C2CD3: variants seen among roughly 807,000 people sequenced by gnomAD.
The protein encoded by C2CD3 is C2 domain-containing protein 3.
C2CD3 carries 148 observed loss-of-function variants against 234.0 expected under a neutral mutation model. The observed-to-expected ratio is 0.63, with a 90% CI of 0.55 to 0.72. C2CD3 has a LOEUF of 0.72. Ranked by LOEUF, C2CD3 falls within the 30% of genes least tolerant of loss-of-function variation. The probability of loss-of-function intolerance (pLI) is 0.00; values close to 1 mark genes in which losing one functional copy is unlikely to be tolerated. For missense variants in C2CD3, 2,577 were observed against 2,811.5 expected (o/e 0.92, Z 1.89); for synonymous variants, 1,000 against 1,035.4 (o/e 0.97, Z 0.66).
intron 31 of C2CD3, among the ~76,000 whole-genome samples, chr11:74,028,616 T>C (rs1385324845): frequency 6.6e-6 from 1 of 152,202 alleles, no homozygotes; most frequent in African/African-American, 2.4e-5. Context: ...TCCGGCCTCC[T>C]CTAGGAAGCT....
intron 1 of C2CD3, among the ~76,000 whole-genome samples, chr11:74,168,977 T>G (rs1311102195): frequency 6.6e-6 from 1 of 152,264 alleles, no homozygotes; most frequent in Non-Finnish European, 1.5e-5. Flanking sequence ...TTTCTAAGTA[T>G]GGTTGAAATT....
Position 74,139,721 on chromosome 11 carries a change from C to G in C2CD3, c.591G>C (p.Glu197Asp). 3 of 1,612,256 alleles carry G rather than the reference C, an allele frequency of 1.9e-6. No homozygotes were observed. Among genetic ancestry groups the G allele is most frequent in the South Asian group, 1.1e-5 (1 of 91,038 alleles). ...ACTGGGTACTGCTGGGTTCAGTATT[C>G]TCTCTGAATCCCTGCTTAGATAAAA... ...NVLLSKQGFR[E>D]NTEPSSTQFQ... is the part of the protein sequence containing the mutation. Residue 197 changes from glutamate (E) to aspartate (D), a missense_variant, in exon 4 of 33, where the codon GAG becomes GAC. Physicochemically the swap from Glu to Asp is conservative, Grantham distance 45 (BLOSUM62 2). Coordinates refer to ENST00000334126, the MANE Select transcript of C2CD3 (RefSeq NM_001286577.2).
intron 25 of C2CD3, among the ~76,000 whole-genome samples, chr11:74,056,303 T>A (rs1953946567): frequency 6.6e-6 from 1 of 152,236 alleles, no homozygotes; most frequent in Non-Finnish European, 1.5e-5. Context: ...ACTATTATCA[T>A]AACATTGCAT....
intron 24 of C2CD3, among the ~76,000 whole-genome samples, chr11:74,063,505 T>C (rs891885766): frequency 1.3e-5 from 2 of 152,160 alleles, no homozygotes; most frequent in African/African-American, 4.8e-5. Context: ...ATCCATCATA[T>C]AAACAGAACC....
intron 20 of C2CD3, 47 bp downstream of exon 20, chr11:74,090,766 A>C (rs1590770726): frequency 6.2e-7 from 1 of 1,606,642 alleles, no homozygotes; most frequent in Admixed American, 1.7e-5. Flanking sequence ...TTTTACAATG[A>C]TTGCAGTGTA....
chr11:74,071,774 C>A (rs1200606970), intron 24 of C2CD3, among the ~76,000 whole-genome samples: 2 of 152,090 alleles, frequency 1.3e-5, no homozygotes, highest in East Asian at 3.9e-4. Flanking sequence ...CAAGTTGGTG[C>A]TTTTGGATTT....
At chr11:74,017,966 G>A (rs1451797216) in intron 32 of C2CD3, among the ~76,000 whole-genome samples, 1 of 152,198 alleles carries the variant, frequency 6.6e-6, no homozygotes, top group Non-Finnish European at 1.5e-5. Context: ...AAGTATCTGA[G>A]GGACTTTCTC....
Position 74,049,500 on chromosome 11 carries a change from G to A in C2CD3, c.5198C>T (p.Pro1733Leu). 2 of 1,612,786 alleles carry A rather than the reference G, an allele frequency of 1.2e-6. No individual in the cohort carries two copies. Among genetic ancestry groups the A allele is most frequent in the East Asian group, 2.2e-5 (1 of 44,880 alleles). The change falls in exon 27 of 33, where the codon CCA becomes CTA. Residue 1733 changes from proline to leucine, a missense_variant. Pro to Leu is a moderately conservative substitution (Grantham distance 98). Transcript: ENST00000334126. ...GACAAACTGGAAGCCAGAGAGAAGT[G>A]GGGAGAGGTCCACCGAGGCAAAGCC... ...VIGFASVDLSPLLSGFQFVCG... is the reference protein window; with the variant it reads ...VIGFASVDLSLLLSGFQFVCG...
intron 5 of C2CD3, among the ~76,000 whole-genome samples, chr11:74,134,631 T>C (rs1957797245): frequency 6.6e-6 from 1 of 152,210 alleles, no homozygotes; most frequent in South Asian, 2.1e-4. Context: ...GCTTAGAAAG[T>C]GCCCAACTCC....
chr11:74,034,105 G>C lies in C2CD3; in HGVS notation c.6055C>G (p.Pro2019Ala), dbSNP rs1241368963. The change falls in exon 31 of 33, where the codon CCA becomes GCA. Residue 2019 changes from proline (P) to alanine (A), a missense_variant. Physicochemically the swap from Pro to Ala is conservative, Grantham distance 27. Transcript: ENST00000334126. ...VRAPDKGTDSPSPPPLEETSN... is the reference protein window; with the variant it reads ...VRAPDKGTDSASPPPLEETSN... ...GTCTCTTCGAGAGGAGGGGGTGATG[G>C]GGAATCTGTGCCTTTATCTGGAGCT... The C allele has an allele frequency of 3.9e-6, 6 of 1,536,024 alleles. No homozygotes were observed. The African/African-American group carries it at 4.1e-5, about 11-fold the overall frequency.
In C2CD3 at chr11:74,103,518, C is replaced by T. The variant is rs1210891732; in HGVS notation, c.2193G>A (p.Lys731=). ...TPLCAPTSPN[K]ALPELNQDMT... ...TATCTTGGTTAAGTTCTGGTAGTGC[C>T]TTATTTGGACTTGTAGGAGCACAAA... Residue 731 remains lysine (K), a synonymous_variant, in exon 14 of 33, where the codon AAG becomes AAA. Transcript: ENST00000334126. The T allele has an allele frequency of 1.9e-6, 3 of 1,613,962 alleles. No homozygotes were observed. The highest frequency in any genetic ancestry group is 1.3e-5 in the African/African-American group (1 of 74,892).
chr11:74,145,920 T>C (rs1229676859), intron 3 of C2CD3, among the ~76,000 whole-genome samples: 2 of 152,216 alleles, frequency 1.3e-5, no homozygotes, highest in African/African-American at 4.8e-5. Context: ...GCTTCCCAAA[T>C]AAAATGCTTT....
At chr11:74,019,667 G>A (rs928712986) in intron 32 of C2CD3, among the ~76,000 whole-genome samples, 4 of 151,216 alleles carry the variant, frequency 2.6e-5, no homozygotes, top group African/African-American at 9.9e-5. Flanking sequence ...TTTGTGGAAA[G>A]GAAACCAAAG....
intron 22 of C2CD3, among the ~76,000 whole-genome samples, chr11:74,083,202 T>G (rs2135472287): frequency 6.6e-6 from 1 of 152,306 alleles, no homozygotes; most frequent in African/African-American, 2.4e-5. Context: ...AAGGATTCCC[T>G]ATTTAATAAA....
At chr11:74,169,249 AG>A (rs1442382625) in intron 1 of C2CD3, among the ~76,000 whole-genome samples, 13 of 152,320 alleles carry the variant, frequency 8.5e-5, no homozygotes, top group African/African-American at 3.1e-4. Context: ...TTTTTAACAC[AG>A]TGCTGGGTTC....
intron 11 of C2CD3, 45 bp from the exon 12 acceptor site, chr11:74,109,197 G>A (rs1956651199): frequency 1.0e-6 from 1 of 989,616 alleles, no homozygotes; most frequent in Non-Finnish European, 1.5e-6. Context: ...CCACCCAACT[G>A]AAGTCATCAT....
intron 32 of C2CD3, among the ~76,000 whole-genome samples, chr11:74,021,390 G>C (rs1952077215): frequency 6.6e-6 from 1 of 152,198 alleles, no homozygotes; most frequent in Non-Finnish European, 1.5e-5. Context: ...TTAAATTTGA[G>C]ACATCTATTA....
intron 32 of C2CD3, among the ~76,000 whole-genome samples, chr11:74,022,402 A>G (rs1476449185): frequency 6.6e-6 from 1 of 152,132 alleles, no homozygotes; most frequent in Non-Finnish European, 1.5e-5. Context: ...GACAGAGTGA[A>G]TTGTTTGTGA....
rs187631811 is a variant in C2CD3, at chr11:74,087,592, T to G, written c.3642-1706A>C. Among the ~76,000 whole-genome samples, 25 of 151,640 alleles carry G rather than the reference T, an allele frequency of 1.6e-4. No homozygotes were observed. In the East Asian group the frequency reaches 4.1e-3, roughly 25 times the overall value. ...AAAAAAAAAAATGAGGATAAAATAC[T>G]CATAGGGTGTTGTAAAGATAACATT... On this transcript the variant is annotated intron_variant, in intron 20 of 32. Transcript: ENST00000334126.
Sources: allele counts gnomAD v4.1 joint callset (sites outside exome capture counted in the v4.1 genomes callset), GRCh38; gene constraint gnomAD v4.1.1; transcripts MANE v1.5; gene names NCBI Gene and HGNC (gene_info 2026-07-23, HGNC 2026-07-21).